Variants in RHBDD1 observed in about 807,000 individuals in gnomAD.
RHBDD1 encodes rhomboid domain containing 1.
A neutral mutation model predicts 36.3 loss-of-function variants in RHBDD1; 38 were observed. The ratio of observed to expected loss-of-function variants is 1.05; its 90% CI spans 0.81 to 1.37. RHBDD1 has a LOEUF of 1.37. RHBDD1 is among the 40% of genes most tolerant of loss of function. RHBDD1 has a pLI of 0.00. For missense variants in RHBDD1, 393 were observed against 377.6 expected (o/e 1.04, Z -0.34); for synonymous variants, 151 against 136.5 (o/e 1.11, Z -0.74).
chr2:226,942,849 A>G (rs1950752294), intron 8 of RHBDD1, among the ~76,000 whole-genome samples: 1 of 152,248 alleles, frequency 6.6e-6, no homozygotes, highest in East Asian at 1.9e-4. Flanking sequence ...AGAAAAGAAT[A>G]AATGTGCTTG....
chr2:226,941,933 T>C (rs895338201), intron 8 of RHBDD1, among the ~76,000 whole-genome samples: 1 of 152,170 alleles, frequency 6.6e-6, no homozygotes, highest in Admixed American at 6.5e-5. Context: ...TTTAAATTAT[T>C]TTCATTGTTT....
chr2:226,933,769 G>C (rs1190252634), intron 8 of RHBDD1, among the ~76,000 whole-genome samples: 1 of 152,092 alleles, frequency 6.6e-6, no homozygotes, highest in Non-Finnish European at 1.5e-5. Context: ...GGATGAAAGT[G>C]ATGCCCTTTC....
At chr2:226,935,390 G>T (rs1008766108) in intron 8 of RHBDD1, 2 of 152,058 alleles carry the variant, frequency 1.3e-5, no homozygotes, top group African/African-American at 4.8e-5. Flanking sequence ...ATTTAATTAA[G>T]TTGTACATTT....
At chr2:226,968,726 A>G (rs1018670942) in intron 8 of RHBDD1, among the ~76,000 whole-genome samples, 2 of 152,182 alleles carry the variant, frequency 1.3e-5, no homozygotes, top group African/African-American at 4.8e-5. Context: ...TTGGCATTCT[A>G]GAGGGGGTGA....
chr2:226,825,305 T>TA, the RHBDD1 span, among the ~76,000 whole-genome samples: 16 of 151,464 alleles, frequency 1.1e-4, no homozygotes, highest in South Asian at 2.1e-4. Context: ...GTTGCAGATG[T>TA]AAAAAAAAAT....
intron 3 of RHBDD1, among the ~76,000 whole-genome samples, chr2:226,858,627 T>A (rs1943550859): frequency 6.6e-6 from 1 of 152,222 alleles, no homozygotes; most frequent in Admixed American, 6.5e-5. Context: ...GTAAGTAGAA[T>A]TGAAAATCAC....
chr2:226,841,666 A>G (rs1480505814), intron 3 of RHBDD1, among the ~76,000 whole-genome samples: 2 of 152,152 alleles, frequency 1.3e-5, no homozygotes, highest in Non-Finnish European at 2.9e-5. Flanking sequence ...AATATTTCAT[A>G]TGTACCACAT....
chr2:226,877,125 G>T (rs560918942), intron 5 of RHBDD1, among the ~76,000 whole-genome samples: 2 of 152,112 alleles, frequency 1.3e-5, no homozygotes, highest in Non-Finnish European at 2.9e-5. Flanking sequence ...TACTAATTTG[G>T]CATGTGGTGG....
chr2:226,992,687 G>C (rs1211095678), intron 8 of RHBDD1, among the ~76,000 whole-genome samples: 1 of 152,194 alleles, frequency 6.6e-6, no homozygotes, highest in Non-Finnish European at 1.5e-5. Flanking sequence ...TCAGATAGCA[G>C]TGAGCTTCCC....
At chr2:226,907,113 C>G in intron 6 of RHBDD1, 1 of 592,376 alleles carries the variant, frequency 1.7e-6, no homozygotes, top group Non-Finnish European at 3.0e-6. Context: ...GGACAAATAT[C>G]AGTATATATT....
the RHBDD1 span, among the ~76,000 whole-genome samples, chr2:226,820,690 C>T: frequency 6.6e-6 from 1 of 150,736 alleles, no homozygotes; most frequent in African/African-American, 2.4e-5. Flanking sequence ...ATTAGCCGGC[C>T]ATGGTGGCAT....
chr2:226,957,578 A>G (rs1951863794), intron 8 of RHBDD1, among the ~76,000 whole-genome samples: 1 of 152,038 alleles, frequency 6.6e-6, no homozygotes, highest in Non-Finnish European at 1.5e-5. Flanking sequence ...CCCAAAAAAA[A>G]AAGAAGAAGG....
chr2:226,898,382 C>T (rs1430607345), intron 5 of RHBDD1, among the ~76,000 whole-genome samples: 1 of 152,174 alleles, frequency 6.6e-6, no homozygotes, highest in Non-Finnish European at 1.5e-5. Flanking sequence ...TTGTCTGGAC[C>T]TCAAGTAAAT....
intron 8 of RHBDD1, among the ~76,000 whole-genome samples, chr2:226,930,779 A>G (rs997922613): frequency 2.0e-5 from 3 of 152,084 alleles, no homozygotes; most frequent in African/African-American, 4.8e-5. Context: ...ATGAATTCGA[A>G]CAAATCAACA....
At chr2:226,824,827 C>A in the RHBDD1 span, among the ~76,000 whole-genome samples, 1 of 152,076 alleles carries the variant, frequency 6.6e-6, no homozygotes, top group Admixed American at 6.5e-5. Context: ...ATGTAAAGGC[C>A]TTTTTGAAGC....
intron 5 of RHBDD1, among the ~76,000 whole-genome samples, chr2:226,897,503 G>C (rs917233600): frequency 6.6e-6 from 1 of 152,216 alleles, no homozygotes; most frequent in African/African-American, 2.4e-5. Flanking sequence ...AATTTATAAA[G>C]AGAAGAGGTT....
At chr2:226,917,176 G>T (rs1252000734) in intron 8 of RHBDD1, among the ~76,000 whole-genome samples, 1 of 151,202 alleles carries the variant, frequency 6.6e-6, no homozygotes. Flanking sequence ...ATACTAACAG[G>T]CAAAAAGAAA....
chr2:226,983,010 G>A (rs968014907), intron 8 of RHBDD1, among the ~76,000 whole-genome samples: 2 of 152,198 alleles, frequency 1.3e-5, no homozygotes, highest in African/African-American at 2.4e-5. Context: ...GAAACTACCA[G>A]TCTTTGACTC....
intron 8 of RHBDD1, among the ~76,000 whole-genome samples, chr2:226,928,886 C>G (rs1049332559): frequency 6.6e-6 from 1 of 151,996 alleles, no homozygotes; most frequent in Non-Finnish European, 1.5e-5. Context: ...TCTATGCATA[C>G]AAACTAGAAA....
Sources: allele counts gnomAD v4.1 joint callset (sites outside exome capture counted in the v4.1 genomes callset), GRCh38; gene constraint gnomAD v4.1.1; transcripts MANE v1.5; gene names NCBI Gene and HGNC (gene_info 2026-07-23, HGNC 2026-07-21).